The following PACRG variants were observed in gnomAD, a reference collection of about 807,000 sequenced individuals.
PACRG encodes the protein parkin coregulated.
PACRG carries 29 observed loss-of-function variants against 29.7 expected under a neutral mutation model. The ratio of observed to expected loss-of-function variants is 0.98; its 90% CI spans 0.73 to 1.33. The LOEUF (loss-of-function observed/expected upper bound fraction) is 1.33. Among genes scored for constraint, PACRG ranks in the 40% most tolerant of loss-of-function variants. The pLI, the probability that PACRG is intolerant of heterozygous loss-of-function variation, is 0.00. For synonymous variants in PACRG, 116 were observed against 118.7 expected, an observed-to-expected ratio of 0.98 and a Z score of 0.15; for missense variants, 279 against 316.2, an observed-to-expected ratio of 0.88 and a Z score of 0.89.
chr6:163,299,126 A>C (rs1338735722), intron 4 of PACRG, among the ~76,000 whole-genome samples: 1 of 152,182 alleles, frequency 6.6e-6, no homozygotes, highest in Non-Finnish European at 1.5e-5. Flanking sequence ...TCAGCTGCTG[A>C]AGCTCTAGAA....
intron 2 of PACRG, among the ~76,000 whole-genome samples, chr6:162,884,448 T>C (rs958450978): frequency 2.6e-4 from 40 of 152,322 alleles, no homozygotes; most frequent in African/African-American, 9.4e-4. Flanking sequence ...GTGTAAATGA[T>C]AGATATAGAC....
intron 4 of PACRG, among the ~76,000 whole-genome samples, chr6:163,228,094 C>T (rs1781876059): frequency 2.0e-5 from 3 of 151,980 alleles, no homozygotes; most frequent in Admixed American, 2.0e-4. Context: ...AGAGAAGACA[C>T]ATATATTTGT....
chr6:163,271,206 C>G (rs1783814039), intron 4 of PACRG, among the ~76,000 whole-genome samples: 1 of 152,140 alleles, frequency 6.6e-6, no homozygotes, highest in Non-Finnish European at 1.5e-5. Context: ...TTTTCACATT[C>G]TTCTGCCTGC....
At chr6:162,870,707 A>G (rs1056879079) in intron 2 of PACRG, among the ~76,000 whole-genome samples, 6 of 152,214 alleles carry the variant, frequency 3.9e-5, no homozygotes, top group African/African-American at 1.4e-4. Context: ...TTATCCATAT[A>G]TTATTGGAAA....
chr6:163,197,434 C>CTTTTTTTTTTTTTTTTTTT (rs57942658), intron 4 of PACRG, among the ~76,000 whole-genome samples: 6 of 106,240 alleles, frequency 5.6e-5, no homozygotes, highest in East Asian at 2.7e-4. Flanking sequence ...CTTTTCTTTT[C>CTTTTTTTTTTTTTTTTTTT]TTTTTTTTTT....
At chr6:162,960,125 G>A (rs1362997447) in intron 2 of PACRG, among the ~76,000 whole-genome samples, 1 of 152,094 alleles carries the variant, frequency 6.6e-6, no homozygotes, top group African/African-American at 2.4e-5. Context: ...GTGAAGCTGT[G>A]GAGAAAAAAG....
At chr6:163,038,159 C>G (rs112747344) in intron 2 of PACRG, among the ~76,000 whole-genome samples, 1 of 152,100 alleles carries the variant, frequency 6.6e-6, no homozygotes, top group Non-Finnish European at 1.5e-5. Flanking sequence ...GTGGCAGAGG[C>G]TGGGGCAGGA....
chr6:163,031,465 A>G (rs1393106641), intron 2 of PACRG, among the ~76,000 whole-genome samples: 1 of 152,192 alleles, frequency 6.6e-6, no homozygotes, highest in Non-Finnish European at 1.5e-5. Flanking sequence ...AAATTGCAAA[A>G]ACAAACTTAA....
chr6:162,727,711 T>G (rs576793884), upstream of PACRG: 2 of 1,555,762 alleles, frequency 1.3e-6, no homozygotes, highest in Non-Finnish European at 8.7e-7. Context: ...AACAGGCCCA[T>G]GCGCGCAGCG....
intron 1 of PACRG, among the ~76,000 whole-genome samples, chr6:162,760,978 G>A (rs1782310605): frequency 6.6e-6 from 1 of 152,214 alleles, no homozygotes; most frequent in Non-Finnish European, 1.5e-5. Context: ...CTAACTGCCA[G>A]CACTTACTGA....
At chr6:163,252,107 C>T (rs371244163) in intron 4 of PACRG, among the ~76,000 whole-genome samples, 230 of 152,328 alleles carry the variant, frequency 1.5e-3, no homozygotes, top group African/African-American at 5.3e-3. Flanking sequence ...CCGCAAAACG[C>T]TCCCACGTGC....
chr6:162,773,494 A>ATTTTTTTTTTTTTTTTTTT (rs71008110), intron 1 of PACRG, among the ~76,000 whole-genome samples: 1 of 66,000 alleles, frequency 1.5e-5, no homozygotes, highest in Non-Finnish European at 2.6e-5. Flanking sequence ...ACAGCTTGTC[A>ATTTTTTTTTTTTTTTTTTT]TTTTTTTTTT....
At chr6:162,916,391 A>G (rs1044659448) in intron 2 of PACRG, among the ~76,000 whole-genome samples, 1 of 152,068 alleles carries the variant, frequency 6.6e-6, no homozygotes, top group African/African-American at 2.4e-5. Context: ...CCTCTGTGTG[A>G]TATGTTGAGA....
intron 4 of PACRG, among the ~76,000 whole-genome samples, chr6:163,208,931 T>G (rs181802893): frequency 4.5e-4 from 69 of 152,302 alleles, no homozygotes; most frequent in Middle Eastern, 3.4e-3. Flanking sequence ...TTCTCCAAAT[T>G]TATTACATTT....
intron 4 of PACRG, among the ~76,000 whole-genome samples, chr6:163,161,743 G>T (rs1043749402): frequency 6.6e-6 from 1 of 152,148 alleles, no homozygotes; most frequent in Non-Finnish European, 1.5e-5. Flanking sequence ...TTTTACGTTT[G>T]GGTGTCCTCT....
intron 4 of PACRG, among the ~76,000 whole-genome samples, chr6:163,233,362 G>A (rs1188599417): frequency 2.0e-5 from 3 of 152,210 alleles, no homozygotes; most frequent in Admixed American, 6.5e-5. Context: ...GCAGGAGGCC[G>A]GAGGCTGCAG....
chr6:162,783,936 T>A (rs950431467), intron 1 of PACRG, among the ~76,000 whole-genome samples: 2 of 152,138 alleles, frequency 1.3e-5, no homozygotes, highest in African/African-American at 2.4e-5. Flanking sequence ...AACATAAGGA[T>A]ACTATCTTTT....
chr6:163,261,545 G>A (rs898135594), intron 4 of PACRG, among the ~76,000 whole-genome samples: 10 of 152,118 alleles, frequency 6.6e-5, no homozygotes, highest in African/African-American at 2.4e-4. Flanking sequence ...CTGAATGAAT[G>A]AGCCCTCAAA....
At chr6:162,798,740 G>A (rs1785592106) in intron 1 of PACRG, among the ~76,000 whole-genome samples, 1 of 152,046 alleles carries the variant, frequency 6.6e-6, no homozygotes, top group Non-Finnish European at 1.5e-5. Flanking sequence ...CTTGTCTGTG[G>A]TTACTCATAT....
Sources: allele counts gnomAD v4.1 joint callset (sites outside exome capture counted in the v4.1 genomes callset), GRCh38; gene constraint gnomAD v4.1.1; transcripts MANE v1.5; gene names NCBI Gene and HGNC (gene_info 2026-07-23, HGNC 2026-07-21).